CNTN4: variants seen among roughly 807,000 people sequenced by gnomAD.
The protein encoded by CNTN4 is contactin-4.
A neutral mutation model predicts 122.5 loss-of-function variants in CNTN4; 77 were observed. The observed-to-expected ratio is 0.63, with a 90% CI of 0.52 to 0.76. CNTN4 has a LOEUF of 0.76. CNTN4 is among the 30% of genes least tolerant of loss of function. The pLI, the probability that CNTN4 is intolerant of heterozygous loss-of-function variation, is 0.00. For missense variants in CNTN4, 1,256 were observed against 1,259.1 expected, an observed-to-expected ratio of 1.00 and a Z score of 0.04; for synonymous variants, 512 against 447.0, an observed-to-expected ratio of 1.15 and a Z score of -1.83.
At chr3:2,126,819 T>A (rs185085226) in intron 2 of CNTN4, among the ~76,000 whole-genome samples, 1 of 152,002 alleles carries the variant, frequency 6.6e-6, no homozygotes, top group Admixed American at 6.6e-5. Context: ...CTACTGGGGG[T>A]TTATCAAAAG....
intron 4 of CNTN4, among the ~76,000 whole-genome samples, chr3:2,628,658 T>G (rs1452090421): frequency 6.6e-6 from 1 of 152,132 alleles, no homozygotes; most frequent in Non-Finnish European, 1.5e-5. Flanking sequence ...TTCTCTCAAT[T>G]TAGAAAGAAA....
chr3:2,215,679 G>A (rs1052074478), intron 2 of CNTN4, among the ~76,000 whole-genome samples: 2 of 151,954 alleles, frequency 1.3e-5, no homozygotes, highest in African/African-American at 2.4e-5. Flanking sequence ...TCAGGAGATC[G>A]AGACCATGCT....
chr3:2,768,329 A>G (rs530645936), intron 6 of CNTN4, among the ~76,000 whole-genome samples: 8 of 152,352 alleles, frequency 5.3e-5, no homozygotes, highest in African/African-American at 1.9e-4. Flanking sequence ...TATCTTGGAT[A>G]ATTAATATTT....
intron 3 of CNTN4, among the ~76,000 whole-genome samples, chr3:2,510,059 T>G (rs1043606725): frequency 6.6e-6 from 1 of 152,168 alleles, no homozygotes; most frequent in African/African-American, 2.4e-5. Context: ...TTACTCACAC[T>G]TACTGAGCAT....
Position 2,571,484 on chromosome 3 carries a change from T to C in CNTN4, c.-20T>C, listed in dbSNP as rs1445595576. The C allele has an allele frequency of 2.2e-5, 35 of 1,605,816 alleles. No individual in the cohort carries two copies. The highest frequency in any genetic ancestry group is 2.7e-5 in the Non-Finnish European group (32 of 1,172,496). On this transcript the variant is annotated 5_prime_UTR_variant, in exon 4 of 25. Transcript: ENST00000418658. ...GCTTGTTATTGGACTTGAAACTCCCTTTGACCTCGGAAACTGAAGATGAGG... is the reference window on the plus strand; with the variant it reads ...GCTTGTTATTGGACTTGAAACTCCCCTTGACCTCGGAAACTGAAGATGAGG...
Position 2,993,299 on chromosome 3 carries a change from A to ATT in CNTN4, c.1486+4841_1486+4842dup, listed in dbSNP as rs576176618. Among the ~76,000 whole-genome samples the ATT allele has an allele frequency of 1.4e-3, 196 of 143,900 alleles. No homozygotes were observed. The East Asian group carries it at 0.019, about 14-fold the overall frequency. The allele number at this position is 143,900 out of a possible 152,430, so 94.4% of individuals were successfully genotyped here. On this transcript the variant is annotated intron_variant, in intron 14 of 24. Transcript: ENST00000418658. ...GAGTAATTATGACAGAGACTGTGTA[A>ATT]TTTTTTTTTTTTTTTGAGATGGAGT...
Position 2,784,685 on chromosome 3 carries a change from C to T in CNTN4, c.359-34801C>T, listed in dbSNP as rs367552057. On this transcript the variant is annotated intron_variant, in intron 6 of 24. Transcript: ENST00000418658. The stretch of plus-strand genomic sequence containing the variant: ...CTAGAAAAAGCAGAGTTGTGGTGGC[C>T]GACCTGGCTGGATTAAAATCCCAGC... 4.6e-5 allele frequency among the ~76,000 whole-genome samples: 7 copies of T among 152,234 alleles called. No individual in the cohort carries two copies. The East Asian group carries it at 9.7e-4, about 21-fold the overall frequency.
At chr3:2,354,288 T>C (rs1559480267) in intron 3 of CNTN4, among the ~76,000 whole-genome samples, 1 of 152,174 alleles carries the variant, frequency 6.6e-6, no homozygotes, top group Non-Finnish European at 1.5e-5. Flanking sequence ...CCCAGCACTT[T>C]GGGAGGCCGA....
chr3:2,513,178 C>G (rs914402486), intron 3 of CNTN4, among the ~76,000 whole-genome samples: 1 of 152,170 alleles, frequency 6.6e-6, no homozygotes, highest in Non-Finnish European at 1.5e-5. Flanking sequence ...CTAATGAAAT[C>G]TGAAGTAACG....
chr3:2,917,266 G>GGCTCA (rs2094376581), intron 12 of CNTN4, among the ~76,000 whole-genome samples: 1 of 151,904 alleles, frequency 6.6e-6, no homozygotes, highest in Non-Finnish European at 1.5e-5. Context: ...GTCCAGCTTC[G>GGCTCA]GCATCAGAGG....
At chr3:2,294,296 T>TTTTTTTTTTTTTTTTTTTTTTTTTTC (rs1247549149) in intron 2 of CNTN4, among the ~76,000 whole-genome samples, 1 of 151,552 alleles carries the variant, frequency 6.6e-6, no homozygotes, top group Non-Finnish European at 1.5e-5. Context: ...GACTTTTTTT[T>TTTTTTTTTTTTTTTTTTTTTTTTTTC]TTTTTTTACT....
intron 3 of CNTN4, among the ~76,000 whole-genome samples, chr3:2,476,573 G>T (rs533055515): frequency 3.9e-4 from 59 of 152,296 alleles, no homozygotes; most frequent in African/African-American, 1.3e-3. Context: ...CAGATGCGTT[G>T]TATGATTCCA....
intron 13 of CNTN4, among the ~76,000 whole-genome samples, chr3:2,933,055 C>A (rs1008081339): frequency 6.6e-6 from 1 of 152,062 alleles, no homozygotes; most frequent in African/African-American, 2.4e-5. Context: ...ATCTCCTGAC[C>A]TCGTGATCCG....
At chr3:2,982,154 T>C (rs1273570471) in intron 13 of CNTN4, among the ~76,000 whole-genome samples, 3 of 152,186 alleles carry the variant, frequency 2.0e-5, no homozygotes, top group Non-Finnish European at 4.4e-5. Flanking sequence ...TATGAAGAAA[T>C]GTCAGGTGCT....
intron 3 of CNTN4, among the ~76,000 whole-genome samples, chr3:2,378,950 T>G (rs1396569721): frequency 6.6e-6 from 1 of 152,140 alleles, no homozygotes; most frequent in Non-Finnish European, 1.5e-5. Context: ...TCATAATCTT[T>G]TCAATGTAAG....
chr3:2,931,331 C>T (rs2094518294), intron 13 of CNTN4, among the ~76,000 whole-genome samples: 1 of 151,652 alleles, frequency 6.6e-6, no homozygotes, highest in South Asian at 2.1e-4. Flanking sequence ...CCTAGGATCC[C>T]ATCTTTAGGA....
At chr3:2,874,406 G>A (rs1200230983) in intron 8 of CNTN4, among the ~76,000 whole-genome samples, 1 of 152,208 alleles carries the variant, frequency 6.6e-6, no homozygotes, top group African/African-American at 2.4e-5. Flanking sequence ...AGAGGGACTT[G>A]AAATGAAAGA....
chr3:2,812,450 C>A (rs891831550), intron 6 of CNTN4, among the ~76,000 whole-genome samples: 2 of 152,050 alleles, frequency 1.3e-5, no homozygotes, highest in African/African-American at 4.8e-5. Flanking sequence ...ACAGTTCATG[C>A]AATATAAAGG....
intron 3 of CNTN4, among the ~76,000 whole-genome samples, chr3:2,350,779 G>A (rs553664804): frequency 1.1e-4 from 16 of 152,192 alleles, no homozygotes; most frequent in African/African-American, 2.9e-4. Context: ...ACTAACCAAC[G>A]AAAATTTAAG....
Sources: allele counts gnomAD v4.1 joint callset (sites outside exome capture counted in the v4.1 genomes callset), GRCh38; gene constraint gnomAD v4.1.1; transcripts MANE v1.5; gene names NCBI Gene and HGNC (gene_info 2026-07-23, HGNC 2026-07-21).